The following DISC1 variants were observed in gnomAD, a reference collection of about 807,000 sequenced individuals.
DISC1 encodes disrupted in schizophrenia 1 protein.
Under a neutral mutation model 84.5 loss-of-function variants are expected in DISC1, and 57 were observed. The observed-to-expected ratio is 0.67, with a 90% confidence interval of 0.55 to 0.84. The LOEUF is 0.84. Among genes scored for constraint, DISC1 ranks in the 40% least tolerant of loss-of-function variants. DISC1 has a pLI of 0.00. For synonymous variants in DISC1, 411 were observed against 415.2 expected, an observed-to-expected ratio of 0.99 and a Z score of 0.12; for missense variants, 1,000 against 1,057.8, an observed-to-expected ratio of 0.95 and a Z score of 0.76.
At chr1:231,715,002 A>G (rs12045248) in intron 3 of DISC1, among the ~76,000 whole-genome samples, 42,851 of 152,116 alleles carry the variant, frequency 0.28, 6,684 homozygotes, top group East Asian at 0.37. Flanking sequence ...CCATGTGGCA[A>G]TTGAAGACTT....
At chr1:231,865,334 C>A (rs1440603110) in intron 9 of DISC1, among the ~76,000 whole-genome samples, 8 of 152,154 alleles carry the variant, frequency 5.3e-5, no homozygotes, top group Non-Finnish European at 1.2e-4. Flanking sequence ...CAAAGACCAC[C>A]AATACATTGG....
chr1:231,891,129 G>A (rs946189822), intron 9 of DISC1, among the ~76,000 whole-genome samples: 7 of 151,966 alleles, frequency 4.6e-5, no homozygotes, highest in Non-Finnish European at 8.8e-5. Flanking sequence ...CCAATCTTTC[G>A]GCTTCCCTGG....
At chr1:231,926,438 C>G (rs1384718310) in intron 9 of DISC1, among the ~76,000 whole-genome samples, 4 of 152,154 alleles carry the variant, frequency 2.6e-5, no homozygotes, top group Non-Finnish European at 5.9e-5. Flanking sequence ...ATGGCAGGAA[C>G]AAAGGCTCTT....
At chr1:232,006,583 A>C (rs1186400846) in intron 10 of DISC1, among the ~76,000 whole-genome samples, 1 of 152,176 alleles carries the variant, frequency 6.6e-6, no homozygotes, top group East Asian at 1.9e-4. Context: ...GGTGCTCTTA[A>C]AGCAGTGCAT....
At chr1:231,977,186 A>G (rs544854927) in intron 10 of DISC1, among the ~76,000 whole-genome samples, 2 of 152,352 alleles carry the variant, frequency 1.3e-5, no homozygotes, top group South Asian at 4.1e-4. Context: ...AGTTTCAGCT[A>G]TCCTCCCACC....
chr1:231,830,884 T>C (rs1446767694), intron 9 of DISC1, among the ~76,000 whole-genome samples: 3 of 152,208 alleles, frequency 2.0e-5, no homozygotes, highest in African/African-American at 7.2e-5. Flanking sequence ...CTACCTTTCC[T>C]GAAGACGGAG....
At chr1:231,895,175 A>G (rs1250095595) in intron 9 of DISC1, among the ~76,000 whole-genome samples, 3 of 150,186 alleles carry the variant, frequency 2.0e-5, no homozygotes, top group African/African-American at 4.9e-5. Context: ...AATTATTGTT[A>G]TCCCACTTTG....
chr1:231,858,373 G>A (rs1364875162), intron 9 of DISC1, among the ~76,000 whole-genome samples: 1 of 152,136 alleles, frequency 6.6e-6, no homozygotes, highest in Non-Finnish European at 1.5e-5. Context: ...CATTCATTTG[G>A]GGCTGATTAT....
At chr1:231,627,425 G>A (rs1454113930) in intron 1 of DISC1, among the ~76,000 whole-genome samples, 2 of 152,224 alleles carry the variant, frequency 1.3e-5, no homozygotes, top group African/African-American at 4.8e-5. Flanking sequence ...GGACCTGGAG[G>A]GAGGAGGCTG....
chr1:231,694,874 G>A, intron 2 of DISC1, 69 bp downstream of exon 2: 1 of 1,574,850 alleles, frequency 6.3e-7, no homozygotes, highest in Non-Finnish European at 8.6e-7. Context: ...GCAGACGGCA[G>A]GAAACGAGGG....
At chr1:231,669,827 C>G (rs953987593) in intron 1 of DISC1, among the ~76,000 whole-genome samples, 2 of 151,698 alleles carry the variant, frequency 1.3e-5, no homozygotes, top group Admixed American at 6.6e-5. Flanking sequence ...TCCTCAAAGA[C>G]CTAAAGACAG....
chr1:231,766,183 G>A (rs1027056414), intron 4 of DISC1, among the ~76,000 whole-genome samples: 5 of 151,518 alleles, frequency 3.3e-5, no homozygotes, highest in Non-Finnish European at 5.9e-5. Flanking sequence ...CCAGCTATTC[G>A]GGAGGCTGAG....
chr1:231,977,224 T>C (rs1228505755), intron 10 of DISC1, among the ~76,000 whole-genome samples: 1 of 152,246 alleles, frequency 6.6e-6, no homozygotes, highest in African/African-American at 2.4e-5. Flanking sequence ...AGTTTTCTTT[T>C]GCTGCTGTAA....
intron 6 of DISC1, among the ~76,000 whole-genome samples, chr1:231,791,946 C>T (rs989849260): frequency 6.6e-5 from 10 of 152,132 alleles, no homozygotes; most frequent in African/African-American, 2.4e-4. Flanking sequence ...TCAATAAAAG[C>T]AGATTCCCTG....
At chr1:231,967,887 G>A (rs1049697147) in intron 10 of DISC1, among the ~76,000 whole-genome samples, 44 of 152,016 alleles carry the variant, frequency 2.9e-4, no homozygotes, top group African/African-American at 9.4e-4. Flanking sequence ...ACAAAATGGC[G>A]TGAATTAAAA....
At chr1:231,931,931 T>A (rs1342099587) in intron 9 of DISC1, among the ~76,000 whole-genome samples, 1 of 152,178 alleles carries the variant, frequency 6.6e-6, no homozygotes, top group South Asian at 2.1e-4. Context: ...GTTTTACAAG[T>A]GTGAGCCACC....
At chr1:231,984,485 C>G (rs1457717423) in intron 10 of DISC1, among the ~76,000 whole-genome samples, 1 of 151,980 alleles carries the variant, frequency 6.6e-6, no homozygotes, top group Non-Finnish European at 1.5e-5. Flanking sequence ...GTTCCTCATC[C>G]CTAGTGGATG....
intron 2 of DISC1, among the ~76,000 whole-genome samples, chr1:231,699,103 A>G (rs201657187): frequency 5.9e-5 from 9 of 152,122 alleles, no homozygotes; most frequent in Non-Finnish European, 1.0e-4. Flanking sequence ...TGAACATATG[A>G]TCCCCTTAGT....
intron 1 of DISC1, among the ~76,000 whole-genome samples, chr1:231,643,145 G>A (rs1244937813): frequency 6.6e-6 from 1 of 152,208 alleles, no homozygotes; most frequent in Non-Finnish European, 1.5e-5. Context: ...ATTGTCTGCA[G>A]TGAGTGTGGG....
Sources: allele counts gnomAD v4.1 joint callset (sites outside exome capture counted in the v4.1 genomes callset), GRCh38; gene constraint gnomAD v4.1.1; transcripts MANE v1.5; gene names NCBI Gene and HGNC (gene_info 2026-07-23, HGNC 2026-07-21).